The following FLI1 variants were observed in gnomAD, a reference collection of about 807,000 sequenced individuals.
The protein encoded by FLI1 is Fli-1 proto-oncogene, ETS transcription factor, also known as Friend leukemia integration 1 transcription factor.
A neutral mutation model predicts 53.1 loss-of-function variants in FLI1; 13 were observed. The observed-to-expected ratio is 0.24, with a 90% CI of 0.16 to 0.39. FLI1 has a LOEUF of 0.39. FLI1 is among the 10% of genes least tolerant of loss of function. FLI1 has a pLI of 1.00. For synonymous variants in FLI1, 244 were observed against 236.7 expected (o/e 1.03, Z -0.28); for missense variants, 424 against 600.5 (o/e 0.71, Z 3.07).
intron 1 of FLI1, among the ~76,000 whole-genome samples, chr11:128,702,105 T>C (rs1241263710): frequency 6.6e-6 from 1 of 152,258 alleles, no homozygotes; most frequent in Non-Finnish European, 1.5e-5. Context: ...ATTGAAATTC[T>C]CATGTCTACA....
chr11:128,781,312 C>T (rs907881500), intron 4 of FLI1, among the ~76,000 whole-genome samples: 3 of 152,174 alleles, frequency 2.0e-5, no homozygotes, highest in African/African-American at 7.2e-5. Flanking sequence ...CCCATATGTA[C>T]ATAAACCCAG....
In FLI1 at chr11:128,768,288, G is replaced by A. The variant is rs772452074; in HGVS notation, c.385+16G>A. 62 of 1,607,130 alleles carry A rather than the reference G, an allele frequency of 3.9e-5. No homozygotes were observed. The highest frequency in any genetic ancestry group is 4.8e-5 in the Non-Finnish European group (56 of 1,178,268). ...GTCCCCGCAGGTAATTCGAGAACCA[G>A]GCTGCCTGGGCGCCATTCACTTCCC... On this transcript the variant is annotated intron_variant, in intron 3 of 8. Coordinates refer to ENST00000527786, the MANE Select transcript of FLI1 (RefSeq NM_002017.5).
At chr11:128,706,716 C>G (rs1938560933) in intron 1 of FLI1, among the ~76,000 whole-genome samples, 1 of 152,170 alleles carries the variant, frequency 6.6e-6, no homozygotes, top group Non-Finnish European at 1.5e-5. Context: ...TTCATTGGTC[C>G]TATTTTCTGA....
In FLI1 at chr11:128,811,381, T is replaced by C; in HGVS notation, c.*393T>C. On this transcript the variant is annotated 3_prime_UTR_variant, in exon 9 of 9. Coordinates refer to ENST00000527786, the MANE Select transcript of FLI1 (RefSeq NM_002017.5). ...TTCAGTATGACACAGAATCATGGAC[T>C]TAACCCGTCATGTTCTGGTTTGAGA... 3.5e-6 allele frequency: 1 copy of C among 284,504 alleles called. No homozygotes were observed. The highest frequency in any genetic ancestry group is 6.6e-6 in the Non-Finnish European group (1 of 151,274). The allele number at this position is 284,504 out of a possible 1,614,324, so 17.6% of individuals were successfully genotyped here. A position where few individuals can be genotyped will look rare whatever the true frequency, so the allele number is the denominator to read the frequency against.
upstream of FLI1, among the ~76,000 whole-genome samples, chr11:128,689,350 G>A (rs1293235819): frequency 6.6e-6 from 1 of 152,196 alleles, no homozygotes; most frequent in Non-Finnish European, 1.5e-5. Flanking sequence ...CTTCTCGCCC[G>A]TCCTCCGCCC....
chr11:128,723,097 G>A (rs1939321830), intron 1 of FLI1, among the ~76,000 whole-genome samples: 2 of 152,116 alleles, frequency 1.3e-5, no homozygotes, highest in East Asian at 1.9e-4. Flanking sequence ...TACTAATCCC[G>A]CTCTGAAGGC....
chr11:128,757,222 C>G (rs1940927824), intron 1 of FLI1, among the ~76,000 whole-genome samples: 1 of 152,068 alleles, frequency 6.6e-6, no homozygotes, highest in African/African-American at 2.4e-5. Context: ...GCTGGGATTA[C>G]AGGCATGAGC....
At chr11:128,719,113 T>C (rs1048129840) in intron 1 of FLI1, among the ~76,000 whole-genome samples, 5 of 152,122 alleles carry the variant, frequency 3.3e-5, no homozygotes, top group Non-Finnish European at 5.9e-5. Flanking sequence ...TGGGACTCAC[T>C]ACACCCACAG....
At chr11:128,744,628 C>T (rs1359223360) in intron 1 of FLI1, among the ~76,000 whole-genome samples, 3 of 152,186 alleles carry the variant, frequency 2.0e-5, no homozygotes, top group Admixed American at 2.0e-4. Context: ...AGATGACAGA[C>T]TGTACCTCTC....
At chr11:128,782,932 G>A (rs1941965972) in intron 5 of FLI1, among the ~76,000 whole-genome samples, 1 of 152,178 alleles carries the variant, frequency 6.6e-6, no homozygotes, top group Non-Finnish European at 1.5e-5. Context: ...ATAGTACCTG[G>A]TTTAAAGGAG....
At chr11:128,713,786 C>G (rs368744021) in intron 1 of FLI1, among the ~76,000 whole-genome samples, 1 of 152,102 alleles carries the variant, frequency 6.6e-6, no homozygotes, top group Non-Finnish European at 1.5e-5. Context: ...AGATAAGCCT[C>G]GGAGTCAGTA....
chr11:128,702,714 T>C (rs189652161), intron 1 of FLI1, among the ~76,000 whole-genome samples: 3 of 152,270 alleles, frequency 2.0e-5, no homozygotes, highest in African/African-American at 7.2e-5. Flanking sequence ...GTACAAAAAT[T>C]AGCTGGTCAT....
At chr11:128,733,958 G>C (rs978487784) in intron 1 of FLI1, among the ~76,000 whole-genome samples, 1 of 152,226 alleles carries the variant, frequency 6.6e-6, no homozygotes, top group Non-Finnish European at 1.5e-5. Flanking sequence ...GGAGAGGAGC[G>C]ACAGAGCACA....
intron 1 of FLI1, among the ~76,000 whole-genome samples, chr11:128,741,447 T>G (rs971953965): frequency 6.6e-6 from 1 of 152,186 alleles, no homozygotes; most frequent in Admixed American, 6.5e-5. Context: ...CTACGGTGAC[T>G]CTTCAGGCCA....
chr11:128,739,860 G>C (rs1940061682), intron 1 of FLI1, among the ~76,000 whole-genome samples: 2 of 152,238 alleles, frequency 1.3e-5, no homozygotes, highest in African/African-American at 2.4e-5. Flanking sequence ...AGACAGATGT[G>C]GCCTTAATTG....
intron 5 of FLI1, among the ~76,000 whole-genome samples, chr11:128,784,173 T>G (rs1942010157): frequency 6.6e-6 from 1 of 151,838 alleles, no homozygotes; most frequent in African/African-American, 2.4e-5. Flanking sequence ...AGATATAGGG[T>G]TTAGTTTAGA....
chr11:128,712,081 G>C (rs1246323363), intron 1 of FLI1, among the ~76,000 whole-genome samples: 1 of 152,122 alleles, frequency 6.6e-6, no homozygotes, highest in African/African-American at 2.4e-5. Context: ...TTGGAGGTGG[G>C]GCCTGGTGGG....
intron 5 of FLI1, among the ~76,000 whole-genome samples, chr11:128,789,812 G>T (rs1366429092): frequency 6.6e-6 from 1 of 152,134 alleles, no homozygotes. Flanking sequence ...AAAGGAAAAG[G>T]CCTGTAATAC....
At chr11:128,759,900 G>T (rs1941040508) in intron 2 of FLI1, among the ~76,000 whole-genome samples, 1 of 152,240 alleles carries the variant, frequency 6.6e-6, no homozygotes, top group African/African-American at 2.4e-5. Flanking sequence ...ATTGAAGAGA[G>T]AGAAGGGAAT....
Sources: allele counts gnomAD v4.1 joint callset (sites outside exome capture counted in the v4.1 genomes callset), GRCh38; gene constraint gnomAD v4.1.1; transcripts MANE v1.5; gene names NCBI Gene and HGNC (gene_info 2026-07-23, HGNC 2026-07-21).